The following CD163 variants were observed in gnomAD, a reference collection of about 807,000 sequenced individuals.
CD163 encodes the protein scavenger receptor cysteine-rich type 1 protein M130.
Under a neutral mutation model 129.2 loss-of-function variants are expected in CD163, and 64 were observed. That is an observed-to-expected ratio of 0.50 (90% CI 0.41 to 0.61). CD163 has a LOEUF of 0.61. Among genes scored for constraint, CD163 ranks in the 20% least tolerant of loss-of-function variants. CD163 has a pLI of 0.00. For missense variants in CD163, 1,061 were observed against 1,377.9 expected (o/e 0.77, Z 3.64); for synonymous variants, 446 against 478.5 (o/e 0.93, Z 0.89).
chr12:7,485,152 G>T lies in CD163; in HGVS notation c.2723C>A (p.Ser908Tyr), dbSNP rs1490894669. ...GPDTLWQCPS[S>Y]PWEKRLASPS... ...GCTGGCCAGTCTCTTCTCCCATGGAGATGATGGGCACTGCCACAGCGTGTC... is the reference window on the plus strand; with the variant it reads ...GCTGGCCAGTCTCTTCTCCCATGGATATGATGGGCACTGCCACAGCGTGTC... The change falls in exon 11 of 17, where the codon TCT becomes TAT. Residue 908 changes from serine (S) to tyrosine (Y), a missense_variant. By Grantham distance (144) the Ser-to-Tyr change is moderately radical. Transcript: ENST00000432237. The surrounding 1 kb of genome is among the most constrained non-coding windows in gnomAD (Gnocchi z 4.5). 9 of 1,614,032 alleles carry T rather than the reference G, an allele frequency of 5.6e-6. No homozygotes were observed. In the Admixed American group the frequency reaches 1.3e-4, roughly 24 times the overall value.
At chr12:7,479,788 C>T (rs775595416) in intron 16 of CD163, 72 bp downstream of exon 16, 212 of 1,496,788 alleles carry the variant, frequency 1.4e-4, no homozygotes, top group Non-Finnish European at 1.8e-4. Context: ...CTTTCTAATG[C>T]CAGAAGAGCT....
chr12:7,491,682 T>A lies in CD163; in HGVS notation c.1420+3399A>T, dbSNP rs868445079. Among the ~76,000 whole-genome samples the A allele has an allele frequency of 1.8e-4, 28 of 152,262 alleles. No homozygotes were observed. In the Middle Eastern group the frequency reaches 0.014, roughly 74 times the overall value. On this transcript the variant is annotated intron_variant, in intron 6 of 16. Coordinates refer to ENST00000432237, the MANE Select transcript of CD163 (RefSeq NM_203416.4). ...CAATTATGATTTAAAGAAGCTTTAA[T>A]GTATTTTCAACATTTAATGCTTTTC...
intron 4 of CD163, 88 bp downstream of exon 4, chr12:7,498,780 T>G: frequency 8.0e-7 from 1 of 1,245,590 alleles, no homozygotes; most frequent in Non-Finnish European, 1.1e-6. Context: ...GACTTCATTA[T>G]GTTCTTAAGA....
chr12:7,483,705 C>A, intron 11 of CD163, 30 bp from the exon 12 acceptor site: 1 of 1,510,036 alleles, frequency 6.6e-7, no homozygotes. Context: ...TAGCCTATTT[C>A]TAAGACTTCT....
At chr12:7,471,459 T>C (rs1338282466) in intron 16 of CD163, 62 bp from the exon 17 acceptor site, 3 of 152,174 alleles carry the variant, frequency 2.0e-5, no homozygotes, top group Non-Finnish European at 2.9e-5. Flanking sequence ...ATTCATTACA[T>C]TATAACACAA....
Position 7,495,380 on chromosome 12 carries a change from C to G in CD163, c.1121G>C (p.Arg374Thr). Residue 374 changes from arginine to threonine, a missense_variant, in exon 6 of 17, where the codon AGA becomes ACA. Coordinates refer to ENST00000432237, the MANE Select transcript of CD163 (RefSeq NM_203416.4). ...TCSDGSDLEL[R>T]LRGGGSRCAG... ...ACAGCGGCTGCCTCCACCTCTAAGT[C>G]TTAGCTCCAGATCTGATCCATCTGC... The G allele has an allele frequency of 6.2e-7, 1 of 1,614,040 alleles. No homozygotes were observed. Among genetic ancestry groups the G allele is most frequent in the Non-Finnish European group, 8.5e-7 (1 of 1,179,954 alleles).
intron 16 of CD163, among the ~76,000 whole-genome samples, chr12:7,473,490 G>A (rs948807639): frequency 2.0e-5 from 3 of 152,120 alleles, no homozygotes; most frequent in Admixed American, 6.5e-5. Context: ...CATGAGTGAA[G>A]GATAAATAAG....
In CD163 at chr12:7,482,992, T is replaced by G. The variant is rs770651128; in HGVS notation, c.3101A>C (p.Gln1034Pro). Residue 1034 changes from glutamine to proline, a missense_variant, in exon 13 of 17, where the codon CAG becomes CCG. Transcript: ENST00000432237. ...TGTTGTGGCTTTTTGTGGGGTTTTCTGCACTGAAATATCTGTAGGAGAAAA... is the reference window on the plus strand; with the variant it reads ...TGTTGTGGCTTTTTGTGGGGTTTTCGGCACTGAAATATCTGTAGGAGAAAA... ...AAVNCTDISV[Q>P]KTPQKATTGR... 1.9e-6 allele frequency: 3 copies of G among 1,613,794 alleles called. No individual in the cohort carries two copies. The highest frequency in any genetic ancestry group is 1.7e-6 in the Non-Finnish European group (2 of 1,179,862).
chr12:7,477,376 C>T (rs758297463), intron 16 of CD163, among the ~76,000 whole-genome samples: 8 of 152,042 alleles, frequency 5.3e-5, no homozygotes, highest in Admixed American at 2.6e-4. Context: ...GAAAATGTGG[C>T]ACATACACAC....
rs772081770 is a variant in CD163, at chr12:7,486,646, A to G, written c.2311T>C (p.Ser771Pro). 1 of 1,614,192 alleles carries G rather than the reference A, an allele frequency of 6.2e-7. No homozygotes were observed. Among genetic ancestry groups the G allele is most frequent in the Middle Eastern group, 1.6e-4 (1 of 6,062 alleles). ...GCGEAINATG[S>P]AHFGEGTGPI... ...CCTGTTCCTTCCCCAAAATGAGCAG[A>G]ACCAGTGGCATTAATGGCCTCTCCA... The change falls in exon 10 of 17, where the codon TCT (serine) becomes CCT (proline). Residue 771 changes from serine to proline, a missense_variant. Physicochemically the swap from Ser to Pro is moderately conservative, Grantham distance 74. Coordinates refer to ENST00000432237, the MANE Select transcript of CD163 (RefSeq NM_203416.4).
In CD163 at chr12:7,486,962, G is replaced by A. The variant is rs772938688; in HGVS notation, c.2075C>T (p.Ser692Leu). ...TGGGCCCAAAGACGATGAATTGCAC[G>A]AGGACAGTGTTTGGGACTGGTTTCC... is the stretch of plus-strand genomic sequence containing the variant. ...CSGNQSQTLS[S>L]CNSSSLGPTR... Residue 692 changes from serine to leucine, a missense_variant, in exon 9 of 17, where the codon TCG becomes TTG. Coordinates refer to ENST00000432237, the MANE Select transcript of CD163 (RefSeq NM_203416.4). 7 of 1,614,078 alleles carry A rather than the reference G, an allele frequency of 4.3e-6. No homozygotes were observed. The highest frequency in any genetic ancestry group is 3.3e-5 in the South Asian group (3 of 91,072).
At chr12:7,474,809 C>T (rs987309199) in intron 16 of CD163, among the ~76,000 whole-genome samples, 2 of 151,822 alleles carry the variant, frequency 1.3e-5, no homozygotes, top group Non-Finnish European at 2.9e-5. Context: ...AAAAGATAAA[C>T]AGAATCGACA....
At chr12:7,497,205 G>C in intron 4 of CD163, 72 bp from the exon 5 acceptor site, 3 of 1,245,776 alleles carry the variant, frequency 2.4e-6, no homozygotes, top group South Asian at 2.6e-5. Flanking sequence ...CTATACCTGA[G>C]ATGAGTTAAG....
chr12:7,492,419 AG>A (rs577945376), intron 6 of CD163, among the ~76,000 whole-genome samples: 207 of 152,200 alleles, frequency 1.4e-3, no homozygotes, highest in Middle Eastern at 3.4e-3. Context: ...GGTTGAATGG[AG>A]TTGATGGGCA....
At chr12:7,490,543 G>A (rs1403051995) in intron 6 of CD163, among the ~76,000 whole-genome samples, 1 of 151,826 alleles carries the variant, frequency 6.6e-6, no homozygotes, top group Non-Finnish European at 1.5e-5. Flanking sequence ...CCTTCTGAAG[G>A]TCTTAAGTCC....
At chr12:7,474,843 A>C (rs1949062861) in intron 16 of CD163, among the ~76,000 whole-genome samples, 1 of 152,092 alleles carries the variant, frequency 6.6e-6, no homozygotes, top group Non-Finnish European at 1.5e-5. Context: ...ACTAATAAAG[A>C]AGAAAAGAGA....
chr12:7,480,975 C>T (rs1014242878), intron 15 of CD163, 186 bp downstream of exon 15: 5 of 1,319,176 alleles, frequency 3.8e-6, no homozygotes, highest in Non-Finnish European at 4.8e-6. Context: ...CTAAAGGCCT[C>T]CCTATGATTG....
chr12:7,476,286 C>G (rs1949086195), intron 16 of CD163, among the ~76,000 whole-genome samples: 1 of 152,160 alleles, frequency 6.6e-6, no homozygotes, highest in Non-Finnish European at 1.5e-5. Flanking sequence ...CCAAGACAAT[C>G]CTAAGCAAAA....
chr12:7,487,522 G>A lies in CD163; in HGVS notation c.1887C>T (p.Ala629=). The A allele has an allele frequency of 6.2e-7, 1 of 1,613,974 alleles. No individual in the cohort carries two copies. The highest frequency in any genetic ancestry group is 8.5e-7 in the Non-Finnish European group (1 of 1,179,994). Residue 629 remains alanine, a synonymous_variant, in exon 8 of 17, where the codon GCC becomes GCT. Transcript: ENST00000432237. The surrounding 1 kb of genome is among the most constrained non-coding windows in gnomAD (Gnocchi z 5.1). ...AACGTGCTCCTCCTGGGGTAGAAAG[G>A]GCAACTCCACATTTAAGCTGCTGGC... ...VLCQQLKCGV[A]LSTPGGARFG... is the part of the protein sequence containing the mutation.
Sources: gnomAD v4.1 joint callset for allele counts (sites outside exome capture counted in the v4.1 genomes callset) on GRCh38, gnomAD v4.1.1 for gene constraint, Gnocchi (gnomAD v3.1) non-coding constraint, MANE v1.5 for transcripts, NCBI Gene and HGNC (gene_info 2026-07-23, HGNC 2026-07-21) for gene names.